The following RALYL variants were observed in gnomAD, a reference collection of about 807,000 sequenced individuals.
RALYL encodes the protein RNA-binding Raly-like protein.
A neutral mutation model predicts 35.1 loss-of-function variants in RALYL; 29 were observed. The observed-to-expected ratio is 0.83, with a 90% CI of 0.61 to 1.13. The LOEUF is 1.13. Among genes scored for constraint, RALYL ranks in the 50% most tolerant of loss-of-function variants. The pLI is 0.00. For missense variants in RALYL, 359 were observed against 360.4 expected (o/e 1.00, Z 0.03); for synonymous variants, 120 against 127.6 (o/e 0.94, Z 0.40).
At chr8:84,585,961 C>G (rs954285378) in intron 2 of RALYL, among the ~76,000 whole-genome samples, 9 of 152,024 alleles carry the variant, frequency 5.9e-5, no homozygotes, top group African/African-American at 2.2e-4. Flanking sequence ...CTTTGGGAGG[C>G]CGAGGCAGGC....
intron 2 of RALYL, among the ~76,000 whole-genome samples, chr8:84,700,440 C>T (rs1396076634): frequency 4.6e-5 from 7 of 152,042 alleles, no homozygotes; most frequent in African/African-American, 1.7e-4. Context: ...AAATGAAAGT[C>T]TCTTCCAGAT....
chr8:84,380,280 G>T (rs993034371), intron 1 of RALYL, among the ~76,000 whole-genome samples: 1 of 151,738 alleles, frequency 6.6e-6, no homozygotes, highest in Non-Finnish European at 1.5e-5. Flanking sequence ...CCATTATTGA[G>T]GCCTGTCATT....
At chr8:84,195,030 A>G (rs1395345134) in intron 1 of RALYL, among the ~76,000 whole-genome samples, 1 of 152,022 alleles carries the variant, frequency 6.6e-6, no homozygotes, top group Admixed American at 6.6e-5. Flanking sequence ...CACATAATTA[A>G]TGCCCTCACA....
chr8:84,516,763 G>T (rs1296128910), intron 1 of RALYL, among the ~76,000 whole-genome samples: 4 of 152,016 alleles, frequency 2.6e-5, no homozygotes, highest in African/African-American at 9.7e-5. Context: ...TCTCTCTTCA[G>T]CTGGGGATTC....
intron 1 of RALYL, among the ~76,000 whole-genome samples, chr8:84,464,237 T>C (rs1173693432): frequency 1.2e-4 from 18 of 151,674 alleles, no homozygotes; most frequent in South Asian, 6.3e-4. Context: ...GTGCGCTGCA[T>C]CCACTAACTC....
chr8:84,519,243 A>G (rs1226434476), intron 1 of RALYL, among the ~76,000 whole-genome samples: 1 of 152,170 alleles, frequency 6.6e-6, no homozygotes, highest in Non-Finnish European at 1.5e-5. Flanking sequence ...ATTTTAGGGA[A>G]ATTTAGCTGG....
chr8:84,377,801 AAAC>A (rs1464456000), intron 1 of RALYL, among the ~76,000 whole-genome samples: 1 of 151,834 alleles, frequency 6.6e-6, no homozygotes, highest in African/African-American at 2.4e-5. Context: ...CACATCCATA[AAAC>A]CAGTGTTCAC....
At chr8:84,198,863 A>G (rs1471172233) in intron 1 of RALYL, among the ~76,000 whole-genome samples, 1 of 152,146 alleles carries the variant, frequency 6.6e-6, no homozygotes, top group East Asian at 1.9e-4. Context: ...CTCCATTGTG[A>G]AGTAGATAGT....
intron 3 of RALYL, among the ~76,000 whole-genome samples, chr8:84,788,411 C>G (rs774930715): frequency 3.9e-5 from 6 of 152,060 alleles, no homozygotes; most frequent in Admixed American, 6.6e-5. Context: ...ATACATAATG[C>G]AATTTTTCTT....
At chr8:84,550,373 T>G in intron 2 of RALYL, among the ~76,000 whole-genome samples, 1 of 152,122 alleles carries the variant, frequency 6.6e-6, no homozygotes, top group East Asian at 1.9e-4. Context: ...AGATATTTTC[T>G]AAGAATTGAA....
chr8:84,405,823 CTT>C lies in RALYL; in HGVS notation c.-23-123457_-23-123456del, dbSNP rs776007226. Among the ~76,000 whole-genome samples the C allele has an allele frequency of 9.8e-3, 1,155 of 118,020 alleles. 2 individuals are homozygous for C. The highest frequency in any genetic ancestry group is 0.013 in the Non-Finnish European group (740 of 56,968). The allele number at this position is 118,020 out of a possible 152,430, so 77.4% of individuals were successfully genotyped here. On this transcript the variant is annotated intron_variant, in intron 1 of 8. Coordinates refer to ENST00000521268, the MANE Select transcript of RALYL (RefSeq NM_173848.7). The stretch of plus-strand genomic sequence containing the variant: ...GTTTAATAATCTAGATATTTTCATT[CTT>C]TTTTTTTTTTTTTTTTTTGAGACAG...
At chr8:84,502,692 T>C (rs1334487108) in intron 1 of RALYL, among the ~76,000 whole-genome samples, 2 of 151,984 alleles carry the variant, frequency 1.3e-5, no homozygotes, top group African/African-American at 2.4e-5. Flanking sequence ...TAAGCAAATA[T>C]GAATTTATAA....
intron 1 of RALYL, among the ~76,000 whole-genome samples, chr8:84,322,741 C>T (rs1048943519): frequency 2.0e-5 from 3 of 152,172 alleles, no homozygotes; most frequent in South Asian, 2.1e-4. Flanking sequence ...AGAGTATTTG[C>T]ATTTTTCTCA....
At chr8:84,880,304 C>A (rs1841953984) in intron 7 of RALYL, among the ~76,000 whole-genome samples, 1 of 152,034 alleles carries the variant, frequency 6.6e-6, no homozygotes, top group African/African-American at 2.4e-5. Context: ...TGCTCCAGGG[C>A]CTATGGTCAG....
intron 1 of RALYL, among the ~76,000 whole-genome samples, chr8:84,233,288 T>G (rs1825782053): frequency 6.6e-6 from 1 of 152,126 alleles, no homozygotes; most frequent in African/African-American, 2.4e-5. Flanking sequence ...ATATTTACAT[T>G]TTATATGTAA....
intron 2 of RALYL, among the ~76,000 whole-genome samples, chr8:84,696,965 G>T (rs1295749865): frequency 6.6e-6 from 1 of 151,940 alleles, no homozygotes; most frequent in Admixed American, 6.6e-5. Context: ...GCTATGTAAT[G>T]CTAAATTATA....
Position 84,911,049 on chromosome 8 carries a change from T to C in RALYL, c.859-9845T>C, listed in dbSNP as rs1445908790. On this transcript the variant is annotated intron_variant, in intron 8 of 8. Coordinates refer to ENST00000521268, the MANE Select transcript of RALYL (RefSeq NM_173848.7). ...AAGAGAGTAACTATATCTGGAAGTA[T>C]TGATATATTAGATTGAAAAATTTAG... 2.6e-5 allele frequency among the ~76,000 whole-genome samples: 4 copies of C among 152,052 alleles called. No individual in the cohort carries two copies. The South Asian group carries it at 6.2e-4, about 24-fold the overall frequency.
At chr8:84,769,888 G>A (rs903913220) in intron 2 of RALYL, among the ~76,000 whole-genome samples, 3 of 152,092 alleles carry the variant, frequency 2.0e-5, no homozygotes, top group African/African-American at 7.2e-5. Context: ...GAGGAATAAT[G>A]CTGTAATTTA....
chr8:84,238,277 A>G (rs2131532262), intron 1 of RALYL, among the ~76,000 whole-genome samples: 1 of 152,218 alleles, frequency 6.6e-6, no homozygotes, highest in Admixed American at 6.5e-5. Context: ...ATGTCCAGAA[A>G]TTGATCGTAT....
Sources: gnomAD v4.1 joint callset for allele counts (sites outside exome capture counted in the v4.1 genomes callset) on GRCh38, gnomAD v4.1.1 for gene constraint, MANE v1.5 for transcripts, NCBI Gene and HGNC (gene_info 2026-07-23, HGNC 2026-07-21) for gene names.